The following ANKAR variants were observed in gnomAD, a reference collection of about 807,000 sequenced individuals.
The protein encoded by ANKAR is ankyrin and armadillo repeat containing.
ANKAR carries 136 observed loss-of-function variants against 146.2 expected under a neutral mutation model. The ratio of observed to expected loss-of-function variants is 0.93; its 90% CI spans 0.81 to 1.07. The LOEUF (loss-of-function observed/expected upper bound fraction) is 1.07. ANKAR is among the 50% of genes least tolerant of loss of function. The probability of loss-of-function intolerance (pLI) is 0.00; values close to 1 mark genes in which losing one functional copy is unlikely to be tolerated. For missense variants in ANKAR, 1,567 were observed against 1,679.9 expected (o/e 0.93, Z 1.18); for synonymous variants, 500 against 575.8 (o/e 0.87, Z 1.88).
chr2:189,728,613 A>G, intron 14 of ANKAR, 47 bp from the exon 15 acceptor site: 5 of 1,592,622 alleles, frequency 3.1e-6, no homozygotes, highest in Non-Finnish European at 8.6e-7. Flanking sequence ...CATAATGTAG[A>G]ACAGGGCACT....
At chr2:189,755,076 C>A in intron 18 of ANKAR, 1 of 1,412,988 alleles carries the variant, frequency 7.1e-7, no homozygotes, top group African/African-American at 1.5e-5. Flanking sequence ...AGATAAAATT[C>A]AGAAATATTT....
At position 189,733,164 on chromosome 2, in the gene ANKAR, G is replaced by C. The variant is rs747247015; in HGVS notation, c.3358G>C (p.Asp1120His). The C allele has an allele frequency of 6.2e-7, 1 of 1,612,692 alleles. No individual in the cohort carries two copies. The highest frequency in any genetic ancestry group is 1.1e-5 in the South Asian group (1 of 90,862). The change falls in exon 17 of 23, where the codon GAC becomes CAC. Residue 1120 changes from aspartate (D) to histidine (H), a missense_variant. Physicochemically the swap from Asp to His is moderately conservative, Grantham distance 81. Transcript: ENST00000684021. ...IVLGNDVLQK[D>H]LHENEGFEYA... ...CCTAGGGAATGATGTGTTACAGAAA[G>C]ACTTACATGAAAATGAAGGATTTGA...
chr2:189,705,091 A>G lies in ANKAR; in HGVS notation c.1777A>G (p.Lys593Glu). 6.2e-7 allele frequency: 1 copy of G among 1,614,140 alleles called. No individual in the cohort carries two copies. The highest frequency in any genetic ancestry group is 8.5e-7 in the Non-Finnish European group (1 of 1,180,014). The change falls in exon 8 of 23, where the codon AAA (lysine) becomes GAA (glutamate). Residue 593 changes from lysine (K) to glutamate (E), a missense_variant. By Grantham distance (56) the Lys-to-Glu change is moderately conservative (BLOSUM62 1). Coordinates refer to ENST00000684021, the MANE Select transcript of ANKAR (RefSeq NM_001378068.1). ...LETTVCLLCS[K>E]ADYTLSEKRG... The stretch of plus-strand genomic sequence containing the variant: ...AACAACAGTTTGTCTACTGTGTTCC[A>G]AAGCTGATTACACGCTTTCTGAAAA...
chr2:189,692,341 C>T lies in ANKAR; in HGVS notation c.1126C>T (p.Gln376Ter). ...CCAGAATTTTCACTACAAAGAGAAT[C>T]AATATTTTCATGTTCATGGAGGAAT... ...KCQNFHYKENQYFHVHGGIEF... is the reference protein window; with the variant it reads ...KCQNFHYKEN The change falls in exon 4 of 23, where the codon CAA becomes TAA. Residue 376 changes from glutamine to a stop codon, truncating the protein, a stop_gained. Transcript: ENST00000684021. LOFTEE classifies it high-confidence loss of function. The T allele has an allele frequency of 6.2e-7, 1 of 1,612,952 alleles. No individual in the cohort carries two copies. Among genetic ancestry groups the T allele is most frequent in the Admixed American group, 1.7e-5 (1 of 59,828 alleles).
chr2:189,696,858 A>G (rs1203941645), intron 7 of ANKAR, among the ~76,000 whole-genome samples: 1 of 152,192 alleles, frequency 6.6e-6, no homozygotes, highest in South Asian at 2.1e-4. Context: ...CAAACAGGGA[A>G]TAGTTTCTTT....
intron 18 of ANKAR, chr2:189,752,575 C>T (rs1055791102): frequency 2.9e-6 from 4 of 1,386,824 alleles, no homozygotes; most frequent in African/African-American, 2.9e-5. Flanking sequence ...TCAATGAAAA[C>T]CTCATATATA....
At chr2:189,694,680 CAGTT>C (rs2036941660) in intron 5 of ANKAR, among the ~76,000 whole-genome samples, 2 of 152,160 alleles carry the variant, frequency 1.3e-5, no homozygotes, top group Non-Finnish European at 2.9e-5. Flanking sequence ...GGTAAGCAGA[CAGTT>C]AGATGACATA....
At chr2:189,700,288 C>T (rs1459502274) in intron 7 of ANKAR, among the ~76,000 whole-genome samples, 6 of 152,206 alleles carry the variant, frequency 3.9e-5, no homozygotes, top group Non-Finnish European at 8.8e-5. Flanking sequence ...TTCCTCCGCA[C>T]ACTTCCTGCT....
intron 2 of ANKAR, among the ~76,000 whole-genome samples, chr2:189,677,765 C>G (rs1427993567): frequency 6.6e-6 from 1 of 151,692 alleles, no homozygotes; most frequent in Non-Finnish European, 1.5e-5. Context: ...CCCATCTTGA[C>G]TTCCTAGAGT....
intron 20 of ANKAR, 55 bp downstream of exon 20, chr2:189,741,506 C>A: frequency 7.5e-7 from 1 of 1,335,150 alleles, no homozygotes; most frequent in South Asian, 1.3e-5. Flanking sequence ...ATATAATTTA[C>A]CTCTCCCTCT....
At position 189,689,709 on chromosome 2, in the gene ANKAR, A is replaced by G; in HGVS notation, c.784A>G (p.Ile262Val). The G allele has an allele frequency of 1.2e-6, 2 of 1,613,688 alleles. No individual in the cohort carries two copies. Among genetic ancestry groups the G allele is most frequent in the Non-Finnish European group, 1.7e-6 (2 of 1,179,736 alleles). Residue 262 changes from isoleucine (I) to valine (V), a missense_variant, in exon 3 of 23, where the codon ATA (isoleucine) becomes GTA (valine). Transcript: ENST00000684021. ...AATTCAACAGTATGAAAATGTCTTT[A>G]TATTTGAAACAGGCTATTGGCTTAC... ...TQIQQYENVF[I>V]FETGYWLTNA...
At chr2:189,683,100 A>G (rs539576900) in intron 2 of ANKAR, among the ~76,000 whole-genome samples, 3 of 152,326 alleles carry the variant, frequency 2.0e-5, no homozygotes, top group Non-Finnish European at 4.4e-5. Context: ...TACAGCAAGA[A>G]GGTACCGTCT....
At position 189,743,488 on chromosome 2, in the gene ANKAR, T is replaced by G. The variant is rs2043655209; in HGVS notation, c.4010+14T>G. The G allele has an allele frequency of 6.2e-7, 1 of 1,607,398 alleles. No homozygotes were observed. The highest frequency in any genetic ancestry group is 8.5e-7 in the Non-Finnish European group (1 of 1,175,352). ...TCCTTCCTTAAGGTATGGTCCTATG[T>G]TAGAAGTTGCAGTAGTGAAATCATC... On this transcript the variant is annotated intron_variant, in intron 21 of 22. Coordinates refer to ENST00000684021, the MANE Select transcript of ANKAR (RefSeq NM_001378068.1).
At chr2:189,746,231 G>A in intron 22 of ANKAR, 149 bp from the exon 23 acceptor site, 1 of 828,948 alleles carries the variant, frequency 1.2e-6, no homozygotes, top group South Asian at 2.9e-5. Flanking sequence ...ACAAATTTTT[G>A]GCCCCTGACA....
At chr2:189,709,089 A>G (rs540699651) in intron 9 of ANKAR, among the ~76,000 whole-genome samples, 1 of 145,646 alleles carries the variant, frequency 6.9e-6, no homozygotes, top group Non-Finnish European at 1.5e-5. Context: ...ACAGAGCGAG[A>G]CTTCGTCTCA....
Position 189,706,969 on chromosome 2 carries a change from A to C in ANKAR, c.1942A>C (p.Thr648Pro), listed in dbSNP as rs889538829. Reference sequence around the variant, plus strand: ...GTGCACTCCACTGTTACTTGCTGCCACTTCAGGAGCACTGGACACTATTCA... The same window carrying C: ...GTGCACTCCACTGTTACTTGCTGCCCCTTCAGGAGCACTGGACACTATTCA... ...NQCTPLLLAA[T>P]SGALDTIQYL... Residue 648 changes from threonine to proline, a missense_variant, in exon 9 of 23, where the codon ACT becomes CCT. Coordinates refer to ENST00000684021, the MANE Select transcript of ANKAR (RefSeq NM_001378068.1). 3 of 1,612,972 alleles carry C rather than the reference A, an allele frequency of 1.9e-6. No homozygotes were observed. The highest frequency in any genetic ancestry group is 8.5e-7 in the Non-Finnish European group (1 of 1,179,530).
chr2:189,742,020 AG>A (rs2043383992), intron 20 of ANKAR, among the ~76,000 whole-genome samples: 1 of 152,194 alleles, frequency 6.6e-6, no homozygotes, highest in South Asian at 2.1e-4. Flanking sequence ...TGTGTCAAGC[AG>A]GGTTAGATGT....
intron 2 of ANKAR, among the ~76,000 whole-genome samples, chr2:189,685,140 G>A (rs567428774): frequency 9.4e-4 from 143 of 151,758 alleles, no homozygotes; most frequent in African/African-American, 3.2e-3. Flanking sequence ...TGAGTAACTG[G>A]GACTACAGGA....
chr2:189,726,763 C>T (rs1156359495), intron 12 of ANKAR, among the ~76,000 whole-genome samples: 1 of 151,918 alleles, frequency 6.6e-6, no homozygotes, highest in Non-Finnish European at 1.5e-5. Flanking sequence ...CTTGTAGTTA[C>T]ATAAAAGGAT....
Sources: gnomAD v4.1 joint callset for allele counts (sites outside exome capture counted in the v4.1 genomes callset) on GRCh38, gnomAD v4.1.1 for gene constraint, MANE v1.5 for transcripts, NCBI Gene and HGNC (gene_info 2026-07-23, HGNC 2026-07-21) for gene names.